The following PIKFYVE variants were observed in gnomAD, a reference collection of about 807,000 sequenced individuals.
The protein encoded by PIKFYVE is 1-phosphatidylinositol 3-phosphate 5-kinase.
A neutral mutation model predicts 257.9 loss-of-function variants in PIKFYVE; 122 were observed. The ratio of observed to expected loss-of-function variants is 0.47; its 90% CI spans 0.41 to 0.55. The LOEUF is 0.55. PIKFYVE is among the 20% of genes least tolerant of loss of function. The pLI is 0.00. For missense variants in PIKFYVE, 2,160 were observed against 2,536.6 expected, an observed-to-expected ratio of 0.85 and a Z score of 3.19; for synonymous variants, 892 against 868.9, an observed-to-expected ratio of 1.03 and a Z score of -0.47.
chr2:208,352,251 A>G (rs919576305), intron 38 of PIKFYVE, among the ~76,000 whole-genome samples: 7 of 152,200 alleles, frequency 4.6e-5, no homozygotes, highest in Admixed American at 2.6e-4. Context: ...GAGGCAGCCA[A>G]TGGCCCAGGT....
chr2:208,318,610 C>A (rs1447655761), intron 16 of PIKFYVE, among the ~76,000 whole-genome samples: 2 of 152,120 alleles, frequency 1.3e-5, no homozygotes, highest in Non-Finnish European at 2.9e-5. Flanking sequence ...CCTAGAAATT[C>A]TCATTCAGTA....
At chr2:208,266,966 T>G (rs1688720233) in intron 1 of PIKFYVE, among the ~76,000 whole-genome samples, 1 of 152,362 alleles carries the variant, frequency 6.6e-6, no homozygotes, top group African/African-American at 2.4e-5. Flanking sequence ...TACCCTTTGC[T>G]TAGAATGTTC....
Position 208,325,402 on chromosome 2 carries a change from A to T in PIKFYVE, c.2591A>T (p.Tyr864Phe), listed in dbSNP as rs147128074. The change falls in exon 20 of 42, where the codon TAT becomes TTT. Residue 864 changes from tyrosine (Y) to phenylalanine (F), a missense_variant. Tyr to Phe is a conservative substitution (Grantham distance 22). This residue lies in a region of PIKFYVE where 522 missense variants were observed against 514.6 expected (regional missense o/e 1.01). Coordinates refer to ENST00000264380, the MANE Select transcript of PIKFYVE (RefSeq NM_015040.4). Reference protein sequence around the residue: ...EILIFMICVAYHSQLEISFLM... With the variant: ...EILIFMICVAFHSQLEISFLM... ...CTAATATTTATGATCTGTGTTGCTT[A>T]TCATTCTCAACTAGAAATATCCTTT... 77 of 1,614,184 alleles carry T rather than the reference A, an allele frequency of 4.8e-5. No individual in the cohort carries two copies. In the African/African-American group the frequency reaches 8.4e-4, roughly 18 times the overall value.
chr2:208,291,319 A>C (rs1444714347), intron 7 of PIKFYVE, among the ~76,000 whole-genome samples: 1 of 152,094 alleles, frequency 6.6e-6, no homozygotes, highest in African/African-American at 2.4e-5. Flanking sequence ...TGAATGTTGA[A>C]CCAGCCTTGC....
intron 5 of PIKFYVE, among the ~76,000 whole-genome samples, chr2:208,282,715 A>G (rs1690979244): frequency 1.3e-5 from 2 of 152,234 alleles, no homozygotes; most frequent in South Asian, 4.1e-4. Context: ...TGACCAAATA[A>G]CTAATCTAGC....
At chr2:208,331,418 C>T (rs1158150512) in intron 23 of PIKFYVE, among the ~76,000 whole-genome samples, 1 of 152,094 alleles carries the variant, frequency 6.6e-6, no homozygotes, top group Non-Finnish European at 1.5e-5. Flanking sequence ...TGCTCTATCG[C>T]CCGGTCTGGA....
intron 5 of PIKFYVE, among the ~76,000 whole-genome samples, chr2:208,279,336 C>T (rs572218150): frequency 1.8e-4 from 27 of 152,238 alleles, no homozygotes; most frequent in African/African-American, 5.8e-4. Context: ...GTATTTTCTC[C>T]TATTCTGTGG....
chr2:208,315,067 A>G (rs748310661), intron 14 of PIKFYVE, 126 bp from the exon 15 acceptor site: 1 of 901,648 alleles, frequency 1.1e-6, no homozygotes, highest in Non-Finnish European at 1.8e-6. Flanking sequence ...ATATTGACCT[A>G]GAAAATCTTA....
At chr2:208,336,304 C>T in intron 27 of PIKFYVE, 104 bp downstream of exon 27, 1 of 1,370,754 alleles carries the variant, frequency 7.3e-7, no homozygotes, top group African/African-American at 1.4e-5. Flanking sequence ...TCATTTTGTG[C>T]TCAAGTTAAA....
In PIKFYVE at chr2:208,322,701, ATT is replaced by A. The variant is rs33914706; in HGVS notation, c.2191-1434_2191-1433del. 3.5e-3 allele frequency among the ~76,000 whole-genome samples: 530 copies of A among 149,926 alleles called. 5 individuals carry two copies. The highest frequency in any genetic ancestry group is 0.028 in the South Asian group (132 of 4,776). ...AAGCTATCTTGATATATATATATAT[ATT>A]TTTTTTATTACACTTTAAGTTCTAG... On this transcript the variant is annotated intron_variant, in intron 17 of 41. Transcript: ENST00000264380.
At chr2:208,320,165 G>C in intron 16 of PIKFYVE, 87 bp from the exon 17 acceptor site, 1 of 1,490,424 alleles carries the variant, frequency 6.7e-7, no homozygotes, top group South Asian at 1.3e-5. Context: ...TAGGAATTAT[G>C]AACAATATAG....
At position 208,326,366 on chromosome 2, in the gene PIKFYVE, A is replaced by G. The variant is rs1245254576; in HGVS notation, c.3555A>G (p.Gly1185=). 1 of 1,613,994 alleles carries G rather than the reference A, an allele frequency of 6.2e-7. No individual in the cohort carries two copies. The highest frequency in any genetic ancestry group is 8.5e-7 in the Non-Finnish European group (1 of 1,179,956). ...DASSTSSGQS[G]SKNEGDEERG... ...CAAGTACTTCAAGTGGCCAATCAGG[A>G]AGCAAAAATGAGGGTGATGAAGAGA... is the stretch of plus-strand genomic sequence containing the variant. Residue 1185 remains glycine (G), a synonymous_variant, in exon 20 of 42, where the codon GGA becomes GGG. Coordinates refer to ENST00000264380, the MANE Select transcript of PIKFYVE (RefSeq NM_015040.4).
At chr2:208,288,197 T>A (rs1315013230) in intron 6 of PIKFYVE, among the ~76,000 whole-genome samples, 1 of 152,212 alleles carries the variant, frequency 6.6e-6, no homozygotes, top group East Asian at 1.9e-4. Context: ...TTGCTTAATG[T>A]TCATTCTCTT....
intron 10 of PIKFYVE, among the ~76,000 whole-genome samples, chr2:208,303,893 A>C (rs1694020456): frequency 6.6e-6 from 1 of 152,238 alleles, no homozygotes; most frequent in Non-Finnish European, 1.5e-5. Flanking sequence ...TCTCAGGACT[A>C]AGGCATGAAA....
In PIKFYVE at chr2:208,350,936, A is replaced by C. The variant is rs1341164540; in HGVS notation, c.5600A>C (p.Tyr1867Ser). Residue 1867 changes from tyrosine to serine, a missense_variant, in exon 37 of 42, where the codon TAT (tyrosine) becomes TCT (serine). Physicochemically the swap from Tyr to Ser is moderately radical, Grantham distance 144. Coordinates refer to ENST00000264380, the MANE Select transcript of PIKFYVE (RefSeq NM_015040.4). ...GGAGGCAAATCAGGAGCTGCCTTCT[A>C]TGCAACTGAGGGTGAGCCTTTCTCA... is the stretch of plus-strand genomic sequence containing the variant. ...ARGGKSGAAF[Y>S]ATEDDRFILK... 1.9e-6 allele frequency: 3 copies of C among 1,614,028 alleles called. No homozygotes were observed.
At chr2:208,283,528 C>G (rs186819465) in intron 5 of PIKFYVE, among the ~76,000 whole-genome samples, 14 of 151,464 alleles carry the variant, frequency 9.2e-5, no homozygotes, top group African/African-American at 3.1e-4. Context: ...CAAATGAAGT[C>G]TTTGTTGTAG....
chr2:208,335,586 A>G (rs1574687654), intron 25 of PIKFYVE, among the ~76,000 whole-genome samples, 167 bp downstream of exon 25: 1 of 149,088 alleles, frequency 6.7e-6, no homozygotes, highest in African/African-American at 2.4e-5. Flanking sequence ...ATAATAAAAA[A>G]GAAGCCAAAC....
intron 7 of PIKFYVE, among the ~76,000 whole-genome samples, chr2:208,291,882 A>G (rs1358113448): frequency 6.6e-6 from 1 of 152,042 alleles, no homozygotes; most frequent in Non-Finnish European, 1.5e-5. Flanking sequence ...CCTAAGGTGG[A>G]AGCTTAGATG....
chr2:208,299,719 C>T (rs1693448979), intron 8 of PIKFYVE, among the ~76,000 whole-genome samples: 1 of 152,190 alleles, frequency 6.6e-6, no homozygotes, highest in Admixed American at 6.5e-5. Flanking sequence ...TAACACTTTT[C>T]AGACATTTAA....
Sources: allele counts gnomAD v4.1 joint callset (sites outside exome capture counted in the v4.1 genomes callset), GRCh38; gene constraint gnomAD v4.1.1; regional missense constraint gnomAD v4.1.1; transcripts MANE v1.5; gene names NCBI Gene and HGNC (gene_info 2026-07-23, HGNC 2026-07-21).